The following IGSF11 variants were observed in gnomAD, a reference collection of about 807,000 sequenced individuals.
IGSF11 encodes the protein CXADR like 1.
Under a neutral mutation model 41.0 loss-of-function variants are expected in IGSF11, and 22 were observed. That is an observed-to-expected ratio of 0.54 (90% CI 0.38 to 0.77). The LOEUF (loss-of-function observed/expected upper bound fraction) is 0.77, where lower values mean the gene tolerates loss of function less well. Ranked by LOEUF, IGSF11 falls within the 30% of genes least tolerant of loss-of-function variation. The pLI is 0.00. For synonymous variants in IGSF11, 219 were observed against 201.3 expected (o/e 1.09, Z -0.74); for missense variants, 444 against 530.8 (o/e 0.84, Z 1.61).
At chr3:118,907,944 T>C (rs1939811818) in intron 4 of IGSF11, among the ~76,000 whole-genome samples, 1 of 152,222 alleles carries the variant, frequency 6.6e-6, no homozygotes, top group Non-Finnish European at 1.5e-5. Context: ...TGTGCCTATC[T>C]CCCTCTTCAT....
At chr3:119,140,194 A>T (rs1034320230) in intron 1 of IGSF11, among the ~76,000 whole-genome samples, 1 of 152,148 alleles carries the variant, frequency 6.6e-6, no homozygotes, top group South Asian at 2.1e-4. Flanking sequence ...CCCCCCAAAA[A>T]AACCAACTAT....
intron 1 of IGSF11, among the ~76,000 whole-genome samples, chr3:119,060,895 TTAAA>T (rs573611519): frequency 2.0e-5 from 3 of 152,200 alleles, no homozygotes. Flanking sequence ...ACATATAAAA[TTAAA>T]TAGATAACCC....
chr3:118,924,605 T>C (rs907406758), intron 4 of IGSF11, among the ~76,000 whole-genome samples: 2 of 152,002 alleles, frequency 1.3e-5, no homozygotes, highest in African/African-American at 4.8e-5. Context: ...TTGCAAAGAG[T>C]ATTCAAGTTG....
At chr3:119,065,376 G>A (rs917196992) in intron 1 of IGSF11, among the ~76,000 whole-genome samples, 4 of 152,008 alleles carry the variant, frequency 2.6e-5, no homozygotes, top group African/African-American at 9.7e-5. Flanking sequence ...CATGGGATAT[G>A]TTTTTTACAT....
chr3:119,021,787 T>C (rs1212944189), intron 1 of IGSF11, among the ~76,000 whole-genome samples: 1 of 152,018 alleles, frequency 6.6e-6, no homozygotes, highest in African/African-American at 2.4e-5. Context: ...AAATTTATAG[T>C]CAAGACACAA....
At chr3:118,967,735 T>C in intron 1 of IGSF11, among the ~76,000 whole-genome samples, 1 of 152,204 alleles carries the variant, frequency 6.6e-6, no homozygotes, top group East Asian at 1.9e-4. Flanking sequence ...CTGCACTTAT[T>C]GAAACATGTC....
chr3:118,953,902 T>C (rs1332783318), intron 1 of IGSF11, among the ~76,000 whole-genome samples: 2 of 152,208 alleles, frequency 1.3e-5, no homozygotes, highest in Non-Finnish European at 2.9e-5. Context: ...GCTTTTTAGT[T>C]TAATTAAGTC....
At chr3:118,903,104 A>AT in intron 6 of IGSF11, 143 bp from the exon 7 acceptor site, 1 of 742,786 alleles carries the variant, frequency 1.3e-6, no homozygotes, top group Non-Finnish European at 2.1e-6. Context: ...GAAAGCAGGC[A>AT]TGGCAACCCT....
At chr3:119,099,061 AAAT>A (rs1158145174) in intron 1 of IGSF11, among the ~76,000 whole-genome samples, 1 of 152,218 alleles carries the variant, frequency 6.6e-6, no homozygotes, top group Non-Finnish European at 1.5e-5. Flanking sequence ...ATTGCAAAAT[AAAT>A]AAGATATGAA....
intron 4 of IGSF11, among the ~76,000 whole-genome samples, 173 bp from the exon 5 acceptor site, chr3:118,905,891 T>C (rs1353133940): frequency 6.6e-6 from 1 of 152,188 alleles, no homozygotes; most frequent in Non-Finnish European, 1.5e-5. Flanking sequence ...CTAAAACTAC[T>C]ATATCACTTT....
intron 1 of IGSF11, among the ~76,000 whole-genome samples, chr3:119,071,489 C>T (rs2076398857): frequency 1.3e-5 from 2 of 152,020 alleles, no homozygotes; most frequent in Admixed American, 1.3e-4. Context: ...CAATTTTGAG[C>T]TAATTTTTGT....
intron 1 of IGSF11, among the ~76,000 whole-genome samples, chr3:119,098,963 T>C (rs1659378191): frequency 1.3e-5 from 2 of 152,234 alleles, no homozygotes; most frequent in South Asian, 4.1e-4. Context: ...GGTAACAAAT[T>C]CTTTGCATTC....
rs527776799 is a variant in IGSF11 at position 119,093,404 on chromosome 3, C to CAT, written c.49+11739_49+11740insAT. 7.4e-4 allele frequency among the ~76,000 whole-genome samples: 93 copies of CAT among 125,616 alleles called. 1 individual carries two copies. In the South Asian group the frequency reaches 9.7e-3, roughly 13 times the overall value. The allele number at this position is 125,616 out of a possible 152,430, so 82.4% of individuals were successfully genotyped here. On this transcript the variant is annotated intron_variant, in intron 1 of 6. Transcript: ENST00000354673. ...TTTACACACATGGGCTTCTGAGACC[C>CAT]GTTTTTTTTTTTTTAAACCTGACCG...
At chr3:119,023,433 G>A (rs1939510378) in intron 1 of IGSF11, among the ~76,000 whole-genome samples, 2 of 152,032 alleles carry the variant, frequency 1.3e-5, no homozygotes, top group South Asian at 4.1e-4. Flanking sequence ...TTACAGCATA[G>A]TGCTGCTACA....
At chr3:119,003,898 C>G (rs1937177371) in intron 1 of IGSF11, among the ~76,000 whole-genome samples, 1 of 148,564 alleles carries the variant, frequency 6.7e-6, no homozygotes, top group Non-Finnish European at 1.5e-5. Flanking sequence ...CATCGATATT[C>G]ATCAAGGATA....
intron 1 of IGSF11, among the ~76,000 whole-genome samples, chr3:118,975,404 G>A (rs1576530622): frequency 6.7e-6 from 1 of 150,234 alleles, no homozygotes; most frequent in Admixed American, 6.6e-5. Context: ...AAGTTGTTAG[G>A]AGTTTATATA....
At chr3:118,993,262 G>A (rs750714765) in intron 1 of IGSF11, among the ~76,000 whole-genome samples, 1 of 152,218 alleles carries the variant, frequency 6.6e-6, no homozygotes, top group Non-Finnish European at 1.5e-5. Flanking sequence ...AATAGGCAAA[G>A]ACATGAAATG....
intron 1 of IGSF11, among the ~76,000 whole-genome samples, chr3:119,124,111 G>A (rs1254267900): frequency 5.3e-5 from 8 of 152,048 alleles, no homozygotes; most frequent in South Asian, 2.1e-4. Context: ...AGAAATTCAA[G>A]ATTTCTTTGA....
chr3:119,078,287 C>T (rs1376013930), intron 1 of IGSF11, among the ~76,000 whole-genome samples: 5 of 152,134 alleles, frequency 3.3e-5, no homozygotes, highest in African/African-American at 1.2e-4. Context: ...GATACATTAA[C>T]CAAAACAGCA....
Sources: allele counts gnomAD v4.1 joint callset (sites outside exome capture counted in the v4.1 genomes callset), GRCh38; gene constraint gnomAD v4.1.1; transcripts MANE v1.5; gene names NCBI Gene and HGNC (gene_info 2026-07-23, HGNC 2026-07-21).